The following PTPRB variants were observed in gnomAD, a reference collection of about 807,000 sequenced individuals.
PTPRB encodes the protein receptor-type tyrosine-protein phosphatase beta.
In PTPRB, 97 loss-of-function variants were observed where a neutral mutation model predicts 238.1. The observed-to-expected ratio is 0.41, with a 90% confidence interval of 0.35 to 0.48. The LOEUF is 0.48. Ranked by LOEUF, PTPRB falls within the 20% of genes least tolerant of loss-of-function variation. The pLI, the probability that PTPRB is intolerant of heterozygous loss-of-function variation, is 0.30. For missense variants in PTPRB, 2,292 were observed against 2,681.9 expected, an observed-to-expected ratio of 0.85 and a Z score of 3.21; for synonymous variants, 970 against 995.4, an observed-to-expected ratio of 0.97 and a Z score of 0.48.
chr12:70,599,353 T>C (rs1273190100), intron 4 of PTPRB, among the ~76,000 whole-genome samples: 1 of 152,188 alleles, frequency 6.6e-6, no homozygotes, highest in South Asian at 2.1e-4. Flanking sequence ...TTGACTTATA[T>C]AATTTATGTG....
chr12:70,594,862 G>C lies in PTPRB; in HGVS notation c.1259-138C>G, dbSNP rs1185774103. On this transcript the variant is annotated intron_variant, in intron 5 of 33. Transcript: ENST00000334414. ...TGATAATAGCATTAGTAAATAACAG[G>C]ATTCTGGAAATTTCACTGGAACTTT... The C allele has an allele frequency of 7.8e-6, 9 of 1,157,656 alleles. No individual in the cohort carries two copies. The Admixed American group carries it at 2.5e-4, about 32-fold the overall frequency. The allele number at this position is 1,157,656 out of a possible 1,614,324, so 71.7% of individuals were successfully genotyped here. A position where few individuals can be genotyped will look rare whatever the true frequency, so the allele number is the denominator to read the frequency against.
At chr12:70,572,775 T>TAAAAAAAAAAAA (rs10709963) in intron 11 of PTPRB, among the ~76,000 whole-genome samples, 3 of 93,954 alleles carry the variant, frequency 3.2e-5, no homozygotes, top group Admixed American at 1.1e-4. Flanking sequence ...CTCCATCTCA[T>TAAAAAAAAAAAA]AAAAAAAAAA....
Position 70,609,177 on chromosome 12 carries a change from T to C in PTPRB, c.871A>G (p.Ile291Val). The C allele has an allele frequency of 2.5e-6, 4 of 1,614,068 alleles. No homozygotes were observed. Among genetic ancestry groups the C allele is most frequent in the Non-Finnish European group, 2.5e-6 (3 of 1,179,898 alleles). ...TTACATCCGTATGTGGTGTTGTCTA[T>C]CCGAAAGGTAGGGCACAACGCGGCC... ...LGAALCPTFR[I>V]DNTTYGCNLQ... Residue 291 changes from isoleucine (I) to valine (V), a missense_variant, in exon 4 of 34, where the codon ATA becomes GTA. Around this residue, in one of 4 missense-constraint regions of PTPRB, gnomAD observed 1,205 missense variants for 1,287.8 expected, o/e 0.94. Transcript: ENST00000334414.
rs74343147 is a variant in PTPRB, at chr12:70,622,377, C to A, written c.708+13G>T. On this transcript the variant is annotated intron_variant, in intron 3 of 33. Coordinates refer to ENST00000334414, the MANE Select transcript of PTPRB (RefSeq NM_001109754.4). ...CGTGCACAGACCACACTCCACACACCCCCTCCTTTTACCTCTTCAGTGGTG... is the reference window on the plus strand; with the variant it reads ...CGTGCACAGACCACACTCCACACACACCCTCCTTTTACCTCTTCAGTGGTG... 1 of 1,610,548 alleles carries A rather than the reference C, an allele frequency of 6.2e-7. No homozygotes were observed. The highest frequency in any genetic ancestry group is 8.5e-7 in the Non-Finnish European group (1 of 1,178,716).
At chr12:70,552,662 T>C in intron 21 of PTPRB, 115 bp downstream of exon 21, 1 of 1,337,262 alleles carries the variant, frequency 7.5e-7, no homozygotes. Flanking sequence ...TGCACAGTAC[T>C]CTTGTAACGT....
At chr12:70,609,455 T>A (rs1884250862) in intron 3 of PTPRB, 116 bp from the exon 4 acceptor site, 1 of 1,355,368 alleles carries the variant, frequency 7.4e-7, no homozygotes, top group African/African-American at 1.5e-5. Flanking sequence ...GTCCCTTGCC[T>A]CAGCCAGTCC....
intron 3 of PTPRB, among the ~76,000 whole-genome samples, chr12:70,611,382 G>C (rs531473664): frequency 5.3e-5 from 8 of 152,280 alleles, no homozygotes; most frequent in Non-Finnish European, 1.0e-4. Flanking sequence ...TCTGCCTCCC[G>C]GGTTCAAGCA....
In PTPRB at chr12:70,559,354, G is replaced by T. The variant is rs772094045; in HGVS notation, c.4703C>A (p.Ser1568Tyr). Residue 1568 changes from serine to tyrosine, a missense_variant, in exon 18 of 34, where the codon TCT becomes TAT. Physicochemically the swap from Ser to Tyr is moderately radical, Grantham distance 144. Around this residue, in one of 4 missense-constraint regions of PTPRB, gnomAD observed 683 missense variants for 862.0 expected, o/e 0.79. Coordinates refer to ENST00000334414, the MANE Select transcript of PTPRB (RefSeq NM_001109754.4). Reference protein sequence around the residue: ...WKTYSKPIFGSVRTKPDKIQN... With the variant: ...WKTYSKPIFGYVRTKPDKIQN... ...AAAACATGTCATACTTGTCCTCACA[G>T]ATCCAAAAATTGGTTTGCTGTAAGT... 6.2e-7 allele frequency: 1 copy of T among 1,612,190 alleles called. No homozygotes were observed. Among genetic ancestry groups the T allele is most frequent in the Non-Finnish European group, 8.5e-7 (1 of 1,178,398 alleles).
intron 4 of PTPRB, among the ~76,000 whole-genome samples, chr12:70,597,747 C>T (rs1883157150): frequency 6.6e-6 from 1 of 152,038 alleles, no homozygotes; most frequent in African/African-American, 2.4e-5. Context: ...ATATAACCTT[C>T]TTATATGTTT....
chr12:70,608,135 A>C (rs1455358726), intron 4 of PTPRB, among the ~76,000 whole-genome samples: 1 of 152,248 alleles, frequency 6.6e-6, no homozygotes, highest in African/African-American at 2.4e-5. Context: ...ATGTGAAAGA[A>C]TACTAAGGGC....
At position 70,592,540 on chromosome 12, in the gene PTPRB, T is replaced by G. The variant is rs370956487; in HGVS notation, c.1522A>C (p.Met508Leu). The change falls in exon 7 of 34, where the codon ATG becomes CTG. Residue 508 changes from methionine (M) to leucine (L), a missense_variant. Physicochemically the swap from Met to Leu is conservative, Grantham distance 15. Transcript: ENST00000334414. The stretch of plus-strand genomic sequence containing the variant: ...GTCACCTTCAGATTTGAGACTTCCA[T>G]GGGGGCTAATCAGGAAAGAACAGAA... ...YRWKLVRTAP[M>L]EVSNLKVTND... is the part of the protein sequence containing the mutation. 3.7e-6 allele frequency: 6 copies of G among 1,613,312 alleles called. No individual in the cohort carries two copies. Among genetic ancestry groups the G allele is most frequent in the Non-Finnish European group, 5.1e-6 (6 of 1,179,698 alleles).
intron 32 of PTPRB, 99 bp downstream of exon 32, chr12:70,531,936 A>G (rs2136223573): frequency 7.3e-7 from 1 of 1,374,814 alleles, no homozygotes; most frequent in South Asian, 1.2e-5. Flanking sequence ...CTAATGTGTC[A>G]TAGTTATTTC....
At chr12:70,568,690 A>C (rs1050825827) in intron 14 of PTPRB, among the ~76,000 whole-genome samples, 1 of 152,228 alleles carries the variant, frequency 6.6e-6, no homozygotes, top group African/African-American at 2.4e-5. Flanking sequence ...ATAGTAGGGC[A>C]TGGTATAGAA....
Position 70,555,190 on chromosome 12 carries a change from A to G in PTPRB, c.5113T>C (p.Tyr1705His). 2 of 1,613,952 alleles carry G rather than the reference A, an allele frequency of 1.2e-6. No individual in the cohort carries two copies. The highest frequency in any genetic ancestry group is 1.7e-6 in the Non-Finnish European group (2 of 1,179,848). Residue 1705 changes from tyrosine (Y) to histidine (H), a missense_variant, in exon 20 of 34, where the codon TAC (tyrosine) becomes CAC (histidine). Tyr to His is a moderately conservative substitution (Grantham distance 83, BLOSUM62 2). Coordinates refer to ENST00000334414, the MANE Select transcript of PTPRB (RefSeq NM_001109754.4). ...WFSDTNGAVK[Y>H]FTVVVREADG... ...GCCTCTCTCACCACCACTGTGAAGT[A>G]TTTCACAGCTCCATTGGTGTCGCTG...
chr12:70,574,180 G>T (rs1412433263), intron 11 of PTPRB, among the ~76,000 whole-genome samples: 1 of 152,112 alleles, frequency 6.6e-6, no homozygotes, highest in Non-Finnish European at 1.5e-5. Flanking sequence ...ACATGCCAAG[G>T]CTGTGTCCAA....
rs930097083 is a variant in PTPRB at position 70,541,786 on chromosome 12, A to G, written c.5495-829T>C. The G allele has an allele frequency of 7.2e-5, 11 of 152,332 alleles. 1 individual carries two copies. The highest frequency in any genetic ancestry group is 2.6e-4 in the African/African-American group (11 of 41,578). 9.4% of individuals were successfully genotyped at this position (152,332 alleles called of 1,614,324 possible). A position where few individuals can be genotyped will look rare whatever the true frequency, so the allele number is the denominator to read the frequency against. On this transcript the variant is annotated intron_variant, in intron 22 of 33. Coordinates refer to ENST00000334414, the MANE Select transcript of PTPRB (RefSeq NM_001109754.4). ...AAGGTTCATCCATGTTATAGCATAT[A>G]CCAAGATTTCATTCCTTTTTATGGT...
chr12:70,599,425 C>T (rs75675516), intron 4 of PTPRB, among the ~76,000 whole-genome samples: 1 of 152,042 alleles, frequency 6.6e-6, no homozygotes, highest in Non-Finnish European at 1.5e-5. Flanking sequence ...TTCCAATCAT[C>T]ACACTCATAC....
intron 22 of PTPRB, 33 bp from the exon 23 acceptor site, chr12:70,540,990 G>C: frequency 1.9e-6 from 3 of 1,541,768 alleles, no homozygotes; most frequent in Non-Finnish European, 2.6e-6. Flanking sequence ...AACAAACGCA[G>C]GTGGGAAAAT....
At position 70,534,654 on chromosome 12, in the gene PTPRB, G is replaced by A. The variant is rs890483328; in HGVS notation, c.6205-3C>T. 6.2e-7 allele frequency: 1 copy of A among 1,611,496 alleles called. No homozygotes were observed. Among genetic ancestry groups the A allele is most frequent in the Non-Finnish European group, 8.5e-7 (1 of 1,178,838 alleles). On this transcript the variant is annotated splice_polypyrimidine_tract_variant and splice_region_variant and intron_variant, in intron 30 of 33. Transcript: ENST00000334414. ...CTGTGTGCATCAAGCTGTTCCTCCTGTAAGAGCAGAGAGCAGGATAAAAGA... is the reference window on the plus strand; with the variant it reads ...CTGTGTGCATCAAGCTGTTCCTCCTATAAGAGCAGAGAGCAGGATAAAAGA...
Sources: allele counts gnomAD v4.1 joint callset (sites outside exome capture counted in the v4.1 genomes callset), GRCh38; gene constraint gnomAD v4.1.1; regional missense constraint gnomAD v4.1.1; transcripts MANE v1.5; gene names NCBI Gene and HGNC (gene_info 2026-07-23, HGNC 2026-07-21).